Variants in CFAP20DC observed in about 807,000 individuals in gnomAD.
CFAP20DC encodes the protein CFAP20 domain containing.
In CFAP20DC, 84 loss-of-function variants were observed where a neutral mutation model predicts 101.7. The ratio of observed to expected loss-of-function variants is 0.83; its 90% CI spans 0.69 to 0.99. CFAP20DC has a LOEUF of 0.99. Among genes scored for constraint, CFAP20DC ranks in the 50% least tolerant of loss-of-function variants. The pLI is 0.00. For missense variants in CFAP20DC, 1,007 were observed against 970.3 expected, an observed-to-expected ratio of 1.04 and a Z score of -0.50; for synonymous variants, 359 against 351.2, an observed-to-expected ratio of 1.02 and a Z score of -0.25.
intron 14 of CFAP20DC, among the ~76,000 whole-genome samples, chr3:58,806,925 A>G (rs182118836): frequency 0.014 from 2,086 of 152,290 alleles, 38 homozygotes; most frequent in African/African-American, 0.046. Flanking sequence ...TATCCCGCAC[A>G]TGGCTTGAAG....
chr3:58,949,530 T>A (rs994712232), intron 4 of CFAP20DC, among the ~76,000 whole-genome samples: 9 of 152,186 alleles, frequency 5.9e-5, no homozygotes, highest in Non-Finnish European at 1.3e-4. Context: ...TCTGCCTTCA[T>A]TTCGTTATGT....
At chr3:58,847,526 G>A (rs1304449400) in intron 13 of CFAP20DC, among the ~76,000 whole-genome samples, 10 of 151,854 alleles carry the variant, frequency 6.6e-5, no homozygotes, top group Non-Finnish European at 2.9e-5. Context: ...AACAGGTGCT[G>A]GAGAAGATGT....
intron 16 of CFAP20DC, among the ~76,000 whole-genome samples, chr3:58,751,867 A>AC (rs1553645550): frequency 1.4e-3 from 191 of 136,226 alleles, no homozygotes; most frequent in African/African-American, 4.6e-3. Context: ...ACACACACAC[A>AC]AAATTTCCTC....
chr3:58,827,419 T>G, intron 14 of CFAP20DC, among the ~76,000 whole-genome samples: 1 of 100,806 alleles, frequency 9.9e-6, no homozygotes. Context: ...TGTGTGTATG[T>G]TGGGTGGGGG....
intron 16 of CFAP20DC, among the ~76,000 whole-genome samples, chr3:58,751,128 G>A (rs2068534527): frequency 6.6e-6 from 1 of 152,098 alleles, no homozygotes; most frequent in Non-Finnish European, 1.5e-5. Flanking sequence ...AGAACATAGA[G>A]AATCTAATAT....
At chr3:58,764,318 TG>T (rs1162736807) in intron 15 of CFAP20DC, among the ~76,000 whole-genome samples, 1 of 152,140 alleles carries the variant, frequency 6.6e-6, no homozygotes, top group East Asian at 1.9e-4. Context: ...GCTCCGTTGG[TG>T]TAGGATCCTC....
intron 4 of CFAP20DC, among the ~76,000 whole-genome samples, chr3:59,012,929 A>G (rs2093617147): frequency 6.6e-6 from 1 of 152,206 alleles, no homozygotes; most frequent in Admixed American, 6.6e-5. Context: ...TTATTTCTAC[A>G]TAAGGACATA....
At position 58,849,312 on chromosome 3, in the gene CFAP20DC, C is replaced by T. The variant is rs564809505; in HGVS notation, c.1691G>A (p.Arg564Gln). 200 of 1,536,072 alleles carry T rather than the reference C, an allele frequency of 1.3e-4. 2 individuals are homozygous for T. Among genetic ancestry groups the T allele is most frequent in the South Asian group, 1.2e-3 (102 of 84,022 alleles). The change falls in exon 13 of 17, where the codon CGG becomes CAG. Residue 564 changes from arginine (R) to glutamine (Q), a missense_variant. Physicochemically the swap from Arg to Gln is conservative, Grantham distance 43 (BLOSUM62 1). Transcript: ENST00000482387. ...LESLLGKAAK[R>Q]TSKEYLRSAY... ...GCTCCTTAGATATTCCTTACTTGTC[C>T]GCTTTGCAGCCTTCCCCAGCAGGCT...
chr3:58,950,575 GGAACA>G (rs1346976081), intron 4 of CFAP20DC, among the ~76,000 whole-genome samples: 17 of 152,076 alleles, frequency 1.1e-4, no homozygotes, highest in African/African-American at 4.1e-4. Flanking sequence ...ATAGACCAAT[GGAACA>G]GAACAGAACT....
intron 15 of CFAP20DC, among the ~76,000 whole-genome samples, chr3:58,783,016 C>T (rs555879781): frequency 6.6e-6 from 1 of 152,030 alleles, no homozygotes; most frequent in South Asian, 2.1e-4. Context: ...ATCATATTAC[C>T]TGACTTCAAA....
chr3:58,950,828 T>C (rs1373490519), intron 4 of CFAP20DC, among the ~76,000 whole-genome samples: 4 of 152,160 alleles, frequency 2.6e-5, no homozygotes, highest in Non-Finnish European at 4.4e-5. Context: ...ACCTAGGCAT[T>C]ACCATTCAGG....
rs1244927957 is a variant in CFAP20DC at position 58,721,248 on chromosome 3, A to T, written c.198-3620T>A. On this transcript the variant is annotated intron_variant, in intron 3 of 3. Coordinates refer to the CFAP20DC transcript ENST00000486145. This position sits in a 1 kb window ranked among gnomAD's most constrained non-coding sequence, Gnocchi z 5.2. ...AATCACTATATAAATATGTTCCAAC[A>T]CGTTTATTAAACACCTTATCTGGGC... Among the ~76,000 whole-genome samples, 1 of 152,158 alleles carries T rather than the reference A, an allele frequency of 6.6e-6. No homozygotes were observed. Among genetic ancestry groups the T allele is most frequent in the Non-Finnish European group, 1.5e-5 (1 of 68,030 alleles).
chr3:59,044,962 G>A (rs2109299380), intron 3 of CFAP20DC, among the ~76,000 whole-genome samples: 1 of 150,070 alleles, frequency 6.7e-6, no homozygotes, highest in South Asian at 2.1e-4. Context: ...AATATATATG[G>A]AAATGCAAAA....
At chr3:58,856,279 C>G (rs1291221256) in intron 12 of CFAP20DC, among the ~76,000 whole-genome samples, 1 of 144,524 alleles carries the variant, frequency 6.9e-6, no homozygotes, top group Non-Finnish European at 1.5e-5. Flanking sequence ...CACACACACA[C>G]ACACACACAC....
chr3:58,949,594 G>C (rs944817137), intron 4 of CFAP20DC, among the ~76,000 whole-genome samples: 1 of 152,090 alleles, frequency 6.6e-6, no homozygotes, highest in African/African-American at 2.4e-5. Flanking sequence ...TTGAGGTTTT[G>C]AGTGAGTTTC....
chr3:58,934,327 G>T (rs1322633997), intron 5 of CFAP20DC, among the ~76,000 whole-genome samples: 2 of 152,052 alleles, frequency 1.3e-5, no homozygotes, highest in African/African-American at 4.8e-5. Flanking sequence ...ACTCACAGCC[G>T]AATTCTACCA....
chr3:58,797,470 G>C (rs1246125404), intron 15 of CFAP20DC, among the ~76,000 whole-genome samples: 2 of 152,100 alleles, frequency 1.3e-5, no homozygotes, highest in African/African-American at 4.8e-5. Flanking sequence ...GGAAGCTGGA[G>C]AATAAAAGTT....
Position 58,821,992 on chromosome 3 carries a change from G to T in CFAP20DC, c.2175+9694C>A, listed in dbSNP as rs562232294. ...AAAAAATGAAGAGTTCATGTCCTTT[G>T]TAGGGACATGGATGAAATTGGAAAT... On this transcript the variant is annotated intron_variant, in intron 14 of 16. Transcript: ENST00000482387. Among the ~76,000 whole-genome samples the T allele has an allele frequency of 3.3e-3, 443 of 136,242 alleles. 3 individuals carry two copies. Among genetic ancestry groups the T allele is most frequent in the Non-Finnish European group, 4.9e-3 (316 of 64,402 alleles). 89.4% of individuals were successfully genotyped at this position (136,242 alleles called of 152,430 possible).
chr3:58,727,482 G>C (rs1248472507), intron 3 of CFAP20DC: 3 of 152,414 alleles, frequency 2.0e-5, no homozygotes, highest in Admixed American at 2.0e-4. Context: ...TGTTGCCCAG[G>C]CTGGAGTGCA....
Sources: gnomAD v4.1 joint callset for allele counts (sites outside exome capture counted in the v4.1 genomes callset) on GRCh38, gnomAD v4.1.1 for gene constraint, Gnocchi (gnomAD v3.1) non-coding constraint, MANE v1.5 for transcripts, NCBI Gene and HGNC (gene_info 2026-07-23, HGNC 2026-07-21) for gene names.